Variants in NCKAP5 observed in about 807,000 individuals in gnomAD.
NCKAP5 encodes the protein nck-associated protein 5.
A neutral mutation model predicts 167.0 loss-of-function variants in NCKAP5; 92 were observed. The observed-to-expected ratio is 0.55, with a 90% CI of 0.47 to 0.66. NCKAP5 has a LOEUF of 0.66. Ranked by LOEUF, NCKAP5 falls within the 30% of genes least tolerant of loss-of-function variation. The pLI is 0.00. For missense variants in NCKAP5, 2,378 were observed against 2,315.0 expected, an observed-to-expected ratio of 1.03 and a Z score of -0.56; for synonymous variants, 891 against 877.4, an observed-to-expected ratio of 1.02 and a Z score of -0.27.
At chr2:133,586,673 G>C in the NCKAP5 span, among the ~76,000 whole-genome samples, 5 of 151,932 alleles carry the variant, frequency 3.3e-5, no homozygotes, top group Admixed American at 2.0e-4. Context: ...GTGGTGGTGT[G>C]AGCAGATGGT....
chr2:132,960,825 G>T (rs1437892), intron 8 of NCKAP5, among the ~76,000 whole-genome samples: 1 of 152,064 alleles, frequency 6.6e-6, no homozygotes, highest in Non-Finnish European at 1.5e-5. Flanking sequence ...CCTGTTAGGG[G>T]AGCAGGAATT....
At chr2:133,267,876 A>T (rs2089316413) in intron 4 of NCKAP5, among the ~76,000 whole-genome samples, 1 of 152,190 alleles carries the variant, frequency 6.6e-6, no homozygotes. Context: ...ATTATCTCAA[A>T]AAAATGTTTT....
intron 5 of NCKAP5, among the ~76,000 whole-genome samples, chr2:133,186,386 T>C (rs1317446279): frequency 3.3e-5 from 5 of 152,168 alleles, no homozygotes; most frequent in Admixed American, 2.6e-4. Context: ...TTTGCATCTA[T>C]GTTCATCAGG....
At chr2:132,776,931 C>T (rs1249480881) in intron 15 of NCKAP5, among the ~76,000 whole-genome samples, 1 of 152,142 alleles carries the variant, frequency 6.6e-6, no homozygotes, top group Non-Finnish European at 1.5e-5. Context: ...TGGGAAAGCA[C>T]TGCAAAGAAT....
intron 7 of NCKAP5, among the ~76,000 whole-genome samples, chr2:132,975,508 T>TA (rs763811886): frequency 1.3e-5 from 2 of 152,138 alleles, no homozygotes; most frequent in East Asian, 1.9e-4. Context: ...CTTATTTCCC[T>TA]AAAAAAATAG....
At chr2:132,943,725 G>A (rs1170790528) in intron 8 of NCKAP5, among the ~76,000 whole-genome samples, 1 of 152,146 alleles carries the variant, frequency 6.6e-6, no homozygotes, top group Non-Finnish European at 1.5e-5. Context: ...TTCCAGAAAG[G>A]CCCTGAGAGC....
chr2:132,680,439 G>A (rs754969949), intron 19 of NCKAP5, among the ~76,000 whole-genome samples: 5 of 152,084 alleles, frequency 3.3e-5, no homozygotes, highest in East Asian at 1.9e-4. Context: ...TACTGTGATC[G>A]ATGGTCCTCA....
At chr2:133,627,802 G>C in the NCKAP5 span, among the ~76,000 whole-genome samples, 2 of 152,134 alleles carry the variant, frequency 1.3e-5, no homozygotes, top group Non-Finnish European at 2.9e-5. Flanking sequence ...TGCTAAAATG[G>C]CTGCAGCTCT....
At chr2:133,178,213 C>A (rs2084553792) in intron 5 of NCKAP5, among the ~76,000 whole-genome samples, 1 of 152,226 alleles carries the variant, frequency 6.6e-6, no homozygotes, top group Non-Finnish European at 1.5e-5. Context: ...TAAATAAGAA[C>A]CAGGGCTGGG....
At chr2:132,813,625 G>A (rs549518057) in intron 11 of NCKAP5, among the ~76,000 whole-genome samples, 1 of 152,142 alleles carries the variant, frequency 6.6e-6, no homozygotes, top group Admixed American at 6.5e-5. Flanking sequence ...GACACCAAAG[G>A]GTTCCATATG....
chr2:133,659,432 C>T, the NCKAP5 span, among the ~76,000 whole-genome samples: 4,287 of 152,020 alleles, frequency 0.028, 207 homozygotes, highest in African/African-American at 0.097. Context: ...TTGCACTAAG[C>T]GAAGAACTTT....
At chr2:133,574,772 G>A in the NCKAP5 span, among the ~76,000 whole-genome samples, 1 of 152,250 alleles carries the variant, frequency 6.6e-6, no homozygotes, top group South Asian at 2.1e-4. Flanking sequence ...ATCAGAGGAA[G>A]AGTGAGTCAG....
chr2:133,305,839 G>C (rs972865159), intron 3 of NCKAP5, among the ~76,000 whole-genome samples: 2 of 151,960 alleles, frequency 1.3e-5, no homozygotes, highest in Admixed American at 1.3e-4. Context: ...TTTTCTCTAT[G>C]GCATTCTTAC....
At chr2:133,368,111 C>A (rs1279512346) in intron 3 of NCKAP5, among the ~76,000 whole-genome samples, 1 of 152,134 alleles carries the variant, frequency 6.6e-6, no homozygotes, top group South Asian at 2.1e-4. Flanking sequence ...AGGTCACATG[C>A]CCTTTTCAGC....
chr2:133,073,808 A>AG (rs1486818482), intron 6 of NCKAP5, among the ~76,000 whole-genome samples: 2 of 152,180 alleles, frequency 1.3e-5, no homozygotes, highest in Non-Finnish European at 2.9e-5. Flanking sequence ...AAAAACCAGA[A>AG]GGGAAAAAAG....
chr2:133,414,085 C>A (rs897733184), intron 3 of NCKAP5, among the ~76,000 whole-genome samples: 7 of 152,028 alleles, frequency 4.6e-5, no homozygotes, highest in African/African-American at 1.7e-4. Flanking sequence ...AGGATGGGTT[C>A]CAAGAAAAAT....
In NCKAP5 at chr2:133,451,854, C is replaced by T. The variant is rs115688354; in HGVS notation, c.69+65604G>A. Among the ~76,000 whole-genome samples, 444 of 152,238 alleles carry T rather than the reference C, an allele frequency of 2.9e-3. 2 individuals are homozygous for T. The highest frequency in any genetic ancestry group is 0.01 in the African/African-American group (431 of 41,550). On this transcript the variant is annotated intron_variant, in intron 3 of 19. Transcript: ENST00000409261. Reference sequence around the variant, plus strand: ...TACTATGGAGGATGTCTCTTCAACCCGAAGGAGTGATGGGAACTTCAAACA... The same window carrying T: ...TACTATGGAGGATGTCTCTTCAACCTGAAGGAGTGATGGGAACTTCAAACA...
intron 3 of NCKAP5, among the ~76,000 whole-genome samples, chr2:133,515,893 A>G (rs1352737692): frequency 6.6e-6 from 1 of 152,208 alleles, no homozygotes; most frequent in African/African-American, 2.4e-5. Context: ...AATTCTGCTC[A>G]TCGGTTTGAC....
chr2:132,689,580 TA>T (rs1475413014), intron 19 of NCKAP5, among the ~76,000 whole-genome samples: 1 of 152,206 alleles, frequency 6.6e-6, no homozygotes, highest in Non-Finnish European at 1.5e-5. Context: ...CAGACATGGC[TA>T]ATACCTGGCA....
Sources: gnomAD v4.1 joint callset for allele counts (sites outside exome capture counted in the v4.1 genomes callset) on GRCh38, gnomAD v4.1.1 for gene constraint, MANE v1.5 for transcripts, NCBI Gene and HGNC (gene_info 2026-07-23, HGNC 2026-07-21) for gene names.